Variants in CSMD1 observed in about 807,000 individuals in gnomAD.
CSMD1 encodes the protein CUB and Sushi multiple domains 1, also known as CUB and sushi domain-containing protein 1.
Under a neutral mutation model 417.5 loss-of-function variants are expected in CSMD1, and 213 were observed. That is an observed-to-expected ratio of 0.51 (90% confidence interval 0.46 to 0.57). The LOEUF (loss-of-function observed/expected upper bound fraction) is 0.57, where lower values mean the gene tolerates loss of function less well. CSMD1 is among the 20% of genes least tolerant of loss of function. CSMD1 has a pLI of 0.00. For missense variants in CSMD1, 6,923 were observed against 4,529.7 expected, an observed-to-expected ratio of 1.53 and a Z score of -15.17; for synonymous variants, 2,862 against 1,736.8, an observed-to-expected ratio of 1.65 and a Z score of -16.11.
intron 2 of CSMD1, among the ~76,000 whole-genome samples, chr8:4,496,007 A>G (rs1801959828): frequency 6.6e-6 from 1 of 152,176 alleles, no homozygotes; most frequent in Admixed American, 6.6e-5. Flanking sequence ...GACTCGTGTA[A>G]TTCCTACAGA....
intron 1 of CSMD1, among the ~76,000 whole-genome samples, chr8:4,927,259 T>A (rs1164172994): frequency 6.6e-6 from 1 of 152,038 alleles, no homozygotes; most frequent in Admixed American, 6.6e-5. Flanking sequence ...GGTTTCACCA[T>A]CTTGGCTAGG....
chr8:4,150,558 T>G (rs1416004858), intron 3 of CSMD1, among the ~76,000 whole-genome samples: 3 of 152,206 alleles, frequency 2.0e-5, no homozygotes, highest in Non-Finnish European at 4.4e-5. Flanking sequence ...AACATGACCC[T>G]GCTGAAGGAT....
In CSMD1 at chr8:4,732,750, T is replaced by A. The variant is rs7832289; in HGVS notation, c.86-95192A>T. 7.6e-3 allele frequency among the ~76,000 whole-genome samples: 1,150 copies of A among 152,274 alleles called. 14 individuals carry two copies. The highest frequency in any genetic ancestry group is 0.034 in the Middle Eastern group (10 of 294). The stretch of plus-strand genomic sequence containing the variant: ...TTTTAACCCTTGGCTTGATAAAGAC[T>A]AAGCAGGCATTTTATAGCTCTAATT... On this transcript the variant is annotated intron_variant, in intron 1 of 69. Transcript: ENST00000635120.
At chr8:3,251,544 C>T (rs529070927) in intron 26 of CSMD1, among the ~76,000 whole-genome samples, 97 of 152,080 alleles carry the variant, frequency 6.4e-4, no homozygotes, top group South Asian at 4.6e-3. Context: ...CTTGGCGATG[C>T]GGGCTCTTTT....
chr8:3,688,678 C>A (rs896874755), intron 7 of CSMD1, among the ~76,000 whole-genome samples: 1 of 152,138 alleles, frequency 6.6e-6, no homozygotes, highest in African/African-American at 2.4e-5. Flanking sequence ...GGCAGTTCTG[C>A]AATATTTCTG....
chr8:4,297,503 G>T (rs941051084), intron 3 of CSMD1, among the ~76,000 whole-genome samples: 4 of 152,118 alleles, frequency 2.6e-5, no homozygotes, highest in African/African-American at 9.7e-5. Flanking sequence ...TTACATTCAG[G>T]CCATTTTTGC....
At chr8:4,024,281 G>C (rs1229029355) in intron 4 of CSMD1, among the ~76,000 whole-genome samples, 3 of 152,098 alleles carry the variant, frequency 2.0e-5, no homozygotes, top group African/African-American at 7.2e-5. Flanking sequence ...AACGGATAAA[G>C]CATGAAGAAT....
intron 7 of CSMD1, among the ~76,000 whole-genome samples, chr8:3,643,558 G>T (rs747386600): frequency 1.3e-5 from 2 of 151,936 alleles, no homozygotes; most frequent in South Asian, 2.1e-4. Context: ...AAAATTGGCC[G>T]GGCGTGGTGG....
intron 2 of CSMD1, among the ~76,000 whole-genome samples, chr8:4,616,818 A>G (rs1359362671): frequency 6.6e-6 from 1 of 152,178 alleles, no homozygotes; most frequent in Non-Finnish European, 1.5e-5. Flanking sequence ...AAAGACAAGA[A>G]ACTCATTTTG....
chr8:3,080,658 G>T (rs1029352846), intron 49 of CSMD1, among the ~76,000 whole-genome samples: 1 of 152,094 alleles, frequency 6.6e-6, no homozygotes, highest in Admixed American at 6.6e-5. Context: ...GTTTGGAGTG[G>T]GTGCCTCCCA....
rs1444270817 is a variant in CSMD1 at position 4,051,279 on chromosome 8, C to T, written c.416-19180G>A. The stretch of plus-strand genomic sequence containing the variant: ...TTCTTCAACAGTTTTACAAAGCCTG[C>T]ACAAAAGCTCATCTAAGTTTTGAAG... On this transcript the variant is annotated intron_variant, in intron 3 of 69. Coordinates refer to ENST00000635120, the MANE Select transcript of CSMD1 (RefSeq NM_033225.6). Among the ~76,000 whole-genome samples, 6 of 145,820 alleles carry T rather than the reference C, an allele frequency of 4.1e-5. No individual in the cohort carries two copies. In the Admixed American group the frequency reaches 4.1e-4, roughly 10 times the overall value.
intron 5 of CSMD1, among the ~76,000 whole-genome samples, chr8:3,914,164 G>C (rs898156972): frequency 2.6e-5 from 4 of 152,066 alleles, no homozygotes; most frequent in Admixed American, 6.6e-5. Context: ...TTCAGTCAGA[G>C]AAAACAAGAA....
rs539951755 is a variant in CSMD1 at position 4,434,741 on chromosome 8, G to A, written c.303-14676C>T. 2.6e-3 allele frequency among the ~76,000 whole-genome samples: 391 copies of A among 152,192 alleles called. 2 individuals are homozygous for A. Among genetic ancestry groups the A allele is most frequent in the Non-Finnish European group, 4.7e-3 (318 of 68,022 alleles). On this transcript the variant is annotated intron_variant, in intron 2 of 69. Transcript: ENST00000635120. ...GACAGTGCTCATCCGGTGATTTTGGGACTTAGCTCTTAGACTGTCAAATAC... is the reference window on the plus strand; with the variant it reads ...GACAGTGCTCATCCGGTGATTTTGGAACTTAGCTCTTAGACTGTCAAATAC...
At chr8:4,816,506 G>T (rs563067699) in intron 1 of CSMD1, among the ~76,000 whole-genome samples, 59 of 152,220 alleles carry the variant, frequency 3.9e-4, no homozygotes, top group African/African-American at 1.4e-3. Context: ...GGGATTACAG[G>T]TGTGAGCCAC....
At chr8:3,863,768 T>A (rs1442586080) in intron 5 of CSMD1, among the ~76,000 whole-genome samples, 1 of 152,202 alleles carries the variant, frequency 6.6e-6, no homozygotes, top group South Asian at 2.1e-4. Context: ...AGAAGAGAAT[T>A]TTCTACTAGT....
chr8:4,192,683 T>G (rs778602149), intron 3 of CSMD1, among the ~76,000 whole-genome samples: 19 of 152,314 alleles, frequency 1.2e-4, no homozygotes, highest in Middle Eastern at 6.8e-3. Context: ...ACTTAAATCT[T>G]AAATCTGTAT....
chr8:3,095,777 G>A (rs555844784), intron 47 of CSMD1, among the ~76,000 whole-genome samples: 2 of 152,226 alleles, frequency 1.3e-5, no homozygotes, highest in African/African-American at 4.8e-5. Context: ...GGCTATGACG[G>A]TTTCACACAA....
At chr8:4,169,000 T>G (rs1323544432) in intron 3 of CSMD1, among the ~76,000 whole-genome samples, 9 of 152,140 alleles carry the variant, frequency 5.9e-5, no homozygotes, top group Admixed American at 5.9e-4. Context: ...TACTATCTTA[T>G]CAGCCGCTTA....
At chr8:4,244,242 G>A (rs1023315355) in intron 3 of CSMD1, among the ~76,000 whole-genome samples, 6 of 152,124 alleles carry the variant, frequency 3.9e-5, no homozygotes, top group African/African-American at 1.2e-4. Flanking sequence ...GGCTTGAAAC[G>A]TTCCACAGAG....
Sources: gnomAD v4.1 joint callset for allele counts (sites outside exome capture counted in the v4.1 genomes callset) on GRCh38, gnomAD v4.1.1 for gene constraint, MANE v1.5 for transcripts, NCBI Gene and HGNC (gene_info 2026-07-23, HGNC 2026-07-21) for gene names.